Variants in ARMC2 observed in about 807,000 individuals in gnomAD.
The protein encoded by ARMC2 is armadillo repeat-containing protein 2.
Under a neutral mutation model 90.3 loss-of-function variants are expected in ARMC2, and 67 were observed. The ratio of observed to expected loss-of-function variants is 0.74; its 90% CI spans 0.61 to 0.91. ARMC2 has a LOEUF of 0.91. Ranked by LOEUF, ARMC2 falls within the 40% of genes least tolerant of loss-of-function variation. The probability of loss-of-function intolerance (pLI) is 0.00; values close to 1 mark genes in which losing one functional copy is unlikely to be tolerated. For missense variants in ARMC2, 920 were observed against 1,030.9 expected (o/e 0.89, Z 1.47); for synonymous variants, 393 against 393.0 (o/e 1.00, Z 0.00).
At chr6:108,867,514 C>G (rs1427993535) in intron 3 of ARMC2, among the ~76,000 whole-genome samples, 2 of 152,066 alleles carry the variant, frequency 1.3e-5, no homozygotes, top group African/African-American at 2.4e-5. Context: ...CGGCTGTAAT[C>G]CCAGCACTTT....
the ARMC2 span, chr6:109,009,525 T>C: frequency 1.0e-5 from 12 of 1,180,344 alleles, no homozygotes; most frequent in African/African-American, 1.3e-4. Flanking sequence ...CCGCGGCTCC[T>C]GGCTGCAGCG....
chr6:108,896,847 C>CA (rs1771659222), intron 6 of ARMC2, among the ~76,000 whole-genome samples: 2 of 152,184 alleles, frequency 1.3e-5, no homozygotes, highest in Non-Finnish European at 2.9e-5. Flanking sequence ...TTATTGGACT[C>CA]AAAGTCTGGT....
chr6:108,888,474 T>C (rs1770599679), intron 5 of ARMC2, among the ~76,000 whole-genome samples: 1 of 152,176 alleles, frequency 6.6e-6, no homozygotes, highest in Non-Finnish European at 1.5e-5. Flanking sequence ...TGCAACATCT[T>C]TAAATATGTG....
rs149428500 is a variant in ARMC2, at chr6:108,861,278, TTGTA to T, written c.291+3011_291+3014del. Among the ~76,000 whole-genome samples, 633 of 152,286 alleles carry T rather than the reference TTGTA, an allele frequency of 4.2e-3. 2 individuals are homozygous for T. Among genetic ancestry groups the T allele is most frequent in the African/African-American group, 0.014 (582 of 41,576 alleles). ...ACTCTGTGTTTGTGTGTATGTGTGT[TTGTA>T]TGTGTGTGTGCGTGCACACGCATGT... is the stretch of plus-strand genomic sequence containing the variant. On this transcript the variant is annotated intron_variant, in intron 3 of 17. Coordinates refer to ENST00000392644, the MANE Select transcript of ARMC2 (RefSeq NM_032131.6).
chr6:109,036,629 A>C, the ARMC2 span, among the ~76,000 whole-genome samples: 1 of 152,058 alleles, frequency 6.6e-6, no homozygotes, highest in Non-Finnish European at 1.5e-5. Context: ...GATAAAAAAA[A>C]TTTTTTTTAG....
In ARMC2 at chr6:108,908,363, G is replaced by A. The variant is rs116747829; in HGVS notation, c.1024-2536G>A. Among the ~76,000 whole-genome samples the A allele has an allele frequency of 3.3e-3, 502 of 152,352 alleles. 6 individuals are homozygous for A. The highest frequency in any genetic ancestry group is 0.011 in the African/African-American group (471 of 41,586). On this transcript the variant is annotated intron_variant, in intron 8 of 17. Coordinates refer to ENST00000392644, the MANE Select transcript of ARMC2 (RefSeq NM_032131.6). ...CTCCAGCTGGGGGCTGACCATGGCC[G>A]TTTTGGTGTCTTCTGCAGTGAGCAG...
chr6:108,960,404 A>G (rs1181269752), intron 13 of ARMC2, among the ~76,000 whole-genome samples: 2 of 152,162 alleles, frequency 1.3e-5, no homozygotes, highest in East Asian at 3.9e-4. Context: ...GAGTCTGGAG[A>G]CTGAGTGGGA....
intron 5 of ARMC2, among the ~76,000 whole-genome samples, chr6:108,881,606 T>G (rs945421729): frequency 7.9e-5 from 12 of 152,074 alleles, no homozygotes; most frequent in African/African-American, 2.9e-4. Flanking sequence ...GTATGCCCTG[T>G]GTAAGGACTC....
chr6:109,006,278 T>C, the ARMC2 span, among the ~76,000 whole-genome samples: 1 of 152,212 alleles, frequency 6.6e-6, no homozygotes, highest in African/African-American at 2.4e-5. Flanking sequence ...TTAGCATAAC[T>C]GATGAAAGCC....
chr6:108,870,552 GAAGAGAGGGAAGGAGA>G (rs1484021477), intron 4 of ARMC2, among the ~76,000 whole-genome samples: 4 of 149,928 alleles, frequency 2.7e-5, no homozygotes, highest in Admixed American at 2.0e-4. Context: ...AGGAAGGAAG[GAAGAGAGGGAAGGAGA>G]GAGGGAAGGA....
At chr6:108,926,319 T>C (rs781737059) in intron 10 of ARMC2, among the ~76,000 whole-genome samples, 45 of 152,208 alleles carry the variant, frequency 3.0e-4, no homozygotes, top group Non-Finnish European at 8.8e-5. Context: ...CCAGTAGTGC[T>C]CCGGTGCCTG....
At chr6:108,988,508 A>G in the ARMC2 span, 1 of 1,564,248 alleles carries the variant, frequency 6.4e-7, no homozygotes, top group Non-Finnish European at 8.7e-7. Context: ...ATCATTGCTA[A>G]GTTACAAAGT....
chr6:109,014,258 G>A, the ARMC2 span, among the ~76,000 whole-genome samples: 1 of 152,230 alleles, frequency 6.6e-6, no homozygotes, highest in Non-Finnish European at 1.5e-5. Context: ...TTAAATAACG[G>A]TCAGGTTTTC....
rs1208256602 is a variant in ARMC2, at chr6:108,897,016, G to GT, written c.748+2479dup. 1.4e-4 allele frequency among the ~76,000 whole-genome samples: 22 copies of GT among 152,290 alleles called. 1 individual carries two copies. The highest frequency in any genetic ancestry group is 5.1e-4 in the African/African-American group (21 of 41,550). On this transcript the variant is annotated intron_variant, in intron 6 of 17. Coordinates refer to ENST00000392644, the MANE Select transcript of ARMC2 (RefSeq NM_032131.6). ...GTTATCCACAAATATGAGCAAGTAT[G>GT]TTTTTTGTATTACTTGAATATTCAT...
the ARMC2 span, among the ~76,000 whole-genome samples, chr6:109,046,167 C>CCATCT: frequency 6.6e-6 from 1 of 151,924 alleles, no homozygotes; most frequent in Admixed American, 6.5e-5. Context: ...TGTACTGCTG[C>CCATCT]CATCTCGGCT....
At chr6:108,964,564 A>G (rs768827879) in intron 16 of ARMC2, among the ~76,000 whole-genome samples, 2 of 152,170 alleles carry the variant, frequency 1.3e-5, no homozygotes, top group Non-Finnish European at 2.9e-5. Context: ...ACTTGAGGCC[A>G]GGAGTTCGAG....
the ARMC2 span, among the ~76,000 whole-genome samples, chr6:109,024,519 C>T: frequency 6.6e-6 from 1 of 152,340 alleles, no homozygotes; most frequent in African/African-American, 2.4e-5. Context: ...GTGCTTCTTA[C>T]TCATGTTGGA....
chr6:108,907,516 A>G, intron 8 of ARMC2: 1 of 831,790 alleles, frequency 1.2e-6, no homozygotes. Flanking sequence ...TGCCATTAGG[A>G]TATGAAAGAA....
At chr6:108,940,072 C>G (rs1479995849) in intron 12 of ARMC2, among the ~76,000 whole-genome samples, 2 of 152,152 alleles carry the variant, frequency 1.3e-5, no homozygotes, top group African/African-American at 2.4e-5. Flanking sequence ...GTAGTCTTTA[C>G]CTGCTTTTTT....
Sources: gnomAD v4.1 joint callset for allele counts (sites outside exome capture counted in the v4.1 genomes callset) on GRCh38, gnomAD v4.1.1 for gene constraint, MANE v1.5 for transcripts, NCBI Gene and HGNC (gene_info 2026-07-23, HGNC 2026-07-21) for gene names.